The following PRMT2 variants were observed in gnomAD, a reference collection of about 807,000 sequenced individuals.
PRMT2 encodes the protein protein arginine N-methyltransferase 2.
PRMT2 carries 26 observed loss-of-function variants against 57.6 expected under a neutral mutation model. That is an observed-to-expected ratio of 0.45 (90% CI 0.33 to 0.63). The LOEUF (loss-of-function observed/expected upper bound fraction) is 0.63. Among genes scored for constraint, PRMT2 ranks in the 20% least tolerant of loss-of-function variants. PRMT2 has a pLI of 0.02. For missense variants in PRMT2, 472 were observed against 564.4 expected (o/e 0.84, Z 1.66); for synonymous variants, 219 against 220.0 (o/e 1.00, Z 0.04).
chr21:46,653,919 G>T, intron 7 of PRMT2: 1 of 1,006,580 alleles, frequency 9.9e-7, no homozygotes. Context: ...AAAAATGACA[G>T]CCTTTTTTCT....
chr21:46,641,599 T>C (rs1373929011), intron 3 of PRMT2, among the ~76,000 whole-genome samples: 1 of 151,754 alleles, frequency 6.6e-6, no homozygotes, highest in African/African-American at 2.4e-5. Context: ...GGCTGAGGCA[T>C]GCGAATTGCT....
intron 7 of PRMT2, chr21:46,653,419 G>A (rs1027933181): frequency 2.0e-5 from 20 of 992,630 alleles, no homozygotes; most frequent in Middle Eastern, 1.0e-3. Context: ...TGATGGGACA[G>A]CTCCCCCTCA....
Position 46,664,417 on chromosome 21 carries a change from C to G in PRMT2, c.*90C>G. ...AGTTGCACCTGGCTTCTGCACACTC[C>G]TGCGAAAGTCGGTGAACATTCACTC... On this transcript the variant is annotated 3_prime_UTR_variant, in exon 12 of 12. Transcript: ENST00000355680. The G allele has an allele frequency of 5.9e-6, 9 of 1,512,806 alleles. No individual in the cohort carries two copies. Among genetic ancestry groups the G allele is most frequent in the Non-Finnish European group, 8.2e-6 (9 of 1,090,918 alleles). The allele number at this position is 1,512,806 out of a possible 1,614,324, so 93.7% of individuals were successfully genotyped here. A position where few individuals can be genotyped will look rare whatever the true frequency, so the allele number is the denominator to read the frequency against.
intron 7 of PRMT2, among the ~76,000 whole-genome samples, chr21:46,651,362 G>C (rs955814614): frequency 3.3e-5 from 5 of 152,134 alleles, no homozygotes; most frequent in African/African-American, 9.7e-5. Flanking sequence ...CCTGGGGAGG[G>C]TGGACATCTG....
intron 7 of PRMT2, 87 bp from the exon 8 acceptor site, chr21:46,658,658 G>T (rs1282468073): frequency 1.3e-6 from 2 of 1,562,564 alleles, no homozygotes; most frequent in South Asian, 1.2e-5. Flanking sequence ...AGAACTGTCA[G>T]ACTAGTGTTA....
chr21:46,660,850 A>T lies in PRMT2; in HGVS notation c.848A>T (p.Glu283Val), dbSNP rs773832410. The T allele has an allele frequency of 6.2e-7, 1 of 1,614,018 alleles. No individual in the cohort carries two copies. Among genetic ancestry groups the T allele is most frequent in the Non-Finnish European group, 8.5e-7 (1 of 1,179,942 alleles). ...LSALKSLAVK[E>V]FFSKPKYNHI... The stretch of plus-strand genomic sequence containing the variant: ...TCCCCTAGATCTTTAGCAGTTAAGG[A>T]GTTTTTTTCAAAGCCCAAGTATAAC... Residue 283 changes from glutamate (E) to valine (V), a missense_variant, in exon 9 of 12, where the codon GAG (glutamate) becomes GTG (valine). By Grantham distance (121) the Glu-to-Val change is moderately radical. Transcript: ENST00000355680.
At chr21:46,653,665 C>G in intron 7 of PRMT2, 1 of 1,251,994 alleles carries the variant, frequency 8.0e-7, no homozygotes, top group Non-Finnish European at 1.0e-6. Flanking sequence ...TTCCCTGGAG[C>G]TCATGTAGAT....
chr21:46,640,314 T>C (rs1051934711), intron 3 of PRMT2, among the ~76,000 whole-genome samples: 4 of 152,138 alleles, frequency 2.6e-5, no homozygotes, highest in Admixed American at 6.5e-5. Flanking sequence ...TTTTTTGAGG[T>C]CTTTCCCTTT....
At chr21:46,644,190 T>C (rs2061326625) in intron 4 of PRMT2, 116 bp from the exon 5 acceptor site, 2 of 1,041,858 alleles carry the variant, frequency 1.9e-6, no homozygotes, top group Non-Finnish European at 1.4e-6. Flanking sequence ...CATTACCCAC[T>C]GACTCCTGTT....
chr21:46,648,897 G>A lies in PRMT2; in HGVS notation c.489+278G>A, dbSNP rs76002135. 0.07 allele frequency among the ~76,000 whole-genome samples: 10,685 copies of A among 152,282 alleles called. 547 individuals carry two copies. Among genetic ancestry groups the A allele is most frequent in the Non-Finnish European group, 0.1 (6,832 of 68,012 alleles). The stretch of plus-strand genomic sequence containing the variant: ...AATATCCCGTGAATTGCGTGGGGCG[G>A]GGTATGTTCTGTGAGACGTTTATTT... On this transcript the variant is annotated intron_variant, in intron 6 of 11. Coordinates refer to ENST00000355680, the MANE Select transcript of PRMT2 (RefSeq NM_206962.4). The surrounding 1 kb of genome is among the most constrained non-coding windows in gnomAD (Gnocchi z 4.8).
chr21:46,652,758 C>G, intron 7 of PRMT2: 1 of 1,155,506 alleles, frequency 8.7e-7, no homozygotes, highest in Non-Finnish European at 1.1e-6. Flanking sequence ...AAAGATACCA[C>G]AGGTGTCCTA....
intron 7 of PRMT2, chr21:46,653,352 C>G: frequency 1.0e-6 from 1 of 985,444 alleles, no homozygotes; most frequent in Non-Finnish European, 1.2e-6. Context: ...AATAACACTT[C>G]AGACTTCGGA....
intron 10 of PRMT2, 114 bp from the exon 11 acceptor site, chr21:46,663,269 C>T: frequency 4.9e-6 from 5 of 1,029,036 alleles, no homozygotes; most frequent in Non-Finnish European, 6.9e-6. Context: ...GGACTGCCGG[C>T]TGTGTGGGTG....
In PRMT2 at chr21:46,648,397, G is replaced by T. The variant is rs1206007938; in HGVS notation, c.328-61G>T. 2 of 1,581,434 alleles carry T rather than the reference G, an allele frequency of 1.3e-6. No homozygotes were observed. The highest frequency in any genetic ancestry group is 2.7e-5 in the African/African-American group (2 of 74,556). On this transcript the variant is annotated intron_variant, in intron 5 of 11. Coordinates refer to ENST00000355680, the MANE Select transcript of PRMT2 (RefSeq NM_206962.4). This position sits in a 1 kb window ranked among gnomAD's most constrained non-coding sequence, Gnocchi z 4.8. ...GCTGTGGCTCTGACCCTCCATCTCA[G>T]TCCAGACCTCAGCATGGCTCTAGGT...
rs576197538 is a variant in PRMT2 at position 46,664,604 on chromosome 21, G to A, written c.*277G>A. 28 of 546,158 alleles carry A rather than the reference G, an allele frequency of 5.1e-5. No homozygotes were observed. The South Asian group carries it at 5.1e-4, about 10-fold the overall frequency. The allele number at this position is 546,158 out of a possible 1,614,324, so 33.8% of individuals were successfully genotyped here. On this transcript the variant is annotated 3_prime_UTR_variant, in exon 12 of 12. Coordinates refer to ENST00000355680, the MANE Select transcript of PRMT2 (RefSeq NM_206962.4). ...GTTCACCCGTGGTGCCCACAGTGCC[G>A]ACCCGTGGCTGGGTCGGAGCTCCAT...
At position 46,660,891 on chromosome 21, in the gene PRMT2, G is replaced by C; in HGVS notation, c.889G>C (p.Glu297Gln). The C allele has an allele frequency of 6.2e-7, 1 of 1,613,492 alleles. No homozygotes were observed. Among genetic ancestry groups the C allele is most frequent in the Non-Finnish European group, 8.5e-7 (1 of 1,179,456 alleles). ...KPKYNHILKPEDCLSEPCTIL... is the reference protein window; with the variant it reads ...KPKYNHILKPQDCLSEPCTIL... ...CAAGTATAACCACATTTTGAAACCA[G>C]AAGACTGTCTCTCTGAACCGTGCAC... Residue 297 changes from glutamate to glutamine, a missense_variant, in exon 9 of 12, where the codon GAA becomes CAA. Glu to Gln is a conservative substitution (Grantham distance 29). This residue lies in a region of PRMT2 where 229 missense variants were observed against 217.2 expected (regional missense o/e 1.05). Transcript: ENST00000355680.
intron 9 of PRMT2, 61 bp from the exon 10 acceptor site, chr21:46,661,739 C>G: frequency 3.1e-6 from 4 of 1,273,320 alleles, no homozygotes; most frequent in Non-Finnish European, 4.0e-6. Flanking sequence ...GGGGCCGCCC[C>G]AACCCGGGCC....
intron 8 of PRMT2, 119 bp downstream of exon 8, chr21:46,659,039 CA>C (rs2061582084): frequency 2.1e-6 from 3 of 1,458,110 alleles, no homozygotes; most frequent in African/African-American, 2.8e-5. Flanking sequence ...GGTACCTGTG[CA>C]CCCAGATAGG....
chr21:46,647,402 T>C (rs1275734504), intron 5 of PRMT2, among the ~76,000 whole-genome samples: 1 of 152,212 alleles, frequency 6.6e-6, no homozygotes, highest in Non-Finnish European at 1.5e-5. Flanking sequence ...TTGTGACTTC[T>C]TTTTCTTTTC....
Sources: gnomAD v4.1 joint callset for allele counts (sites outside exome capture counted in the v4.1 genomes callset) on GRCh38, gnomAD v4.1.1 for gene constraint, gnomAD v4.1.1 regional missense constraint, Gnocchi (gnomAD v3.1) non-coding constraint, MANE v1.5 for transcripts, NCBI Gene and HGNC (gene_info 2026-07-23, HGNC 2026-07-21) for gene names.